Variants in RPS6KC1 observed in about 807,000 individuals in gnomAD.
RPS6KC1 encodes ribosomal protein S6 kinase C1, also known as inactive ribosomal protein S6 kinase delta-1.
RPS6KC1 carries 54 observed loss-of-function variants against 103.8 expected under a neutral mutation model. The observed-to-expected ratio is 0.52, with a 90% CI of 0.42 to 0.65. RPS6KC1 has a LOEUF of 0.65. Ranked by LOEUF, RPS6KC1 falls within the 30% of genes least tolerant of loss-of-function variation. RPS6KC1 has a pLI of 0.00. For missense variants in RPS6KC1, 1,151 were observed against 1,253.8 expected (o/e 0.92, Z 1.24); for synonymous variants, 439 against 438.7 (o/e 1.00, Z -0.01).
chr1:213,404,569 C>T, the RPS6KC1 span, among the ~76,000 whole-genome samples: 1 of 152,170 alleles, frequency 6.6e-6, no homozygotes, highest in African/African-American at 2.4e-5. Context: ...GACACTGTCT[C>T]CTCCTAGGAG....
At chr1:213,680,296 T>A in the RPS6KC1 span, among the ~76,000 whole-genome samples, 413 of 152,214 alleles carry the variant, frequency 2.7e-3, 2 homozygotes, top group Non-Finnish European at 4.6e-3. Flanking sequence ...GCCTGTTACG[T>A]GAAAAACAGC....
intron 6 of RPS6KC1, among the ~76,000 whole-genome samples, chr1:213,163,472 C>T (rs753971518): frequency 3.3e-4 from 50 of 152,182 alleles, no homozygotes; most frequent in Non-Finnish European, 5.3e-4. Context: ...AAATTTCCCA[C>T]GAAACACAGA....
At chr1:213,349,037 A>G in the RPS6KC1 span, among the ~76,000 whole-genome samples, 1 of 152,190 alleles carries the variant, frequency 6.6e-6, no homozygotes. Flanking sequence ...AGGATTGAAG[A>G]TTACTTTGGC....
the RPS6KC1 span, among the ~76,000 whole-genome samples, chr1:213,757,426 C>T: frequency 9.2e-5 from 14 of 152,168 alleles, no homozygotes; most frequent in Non-Finnish European, 1.6e-4. Flanking sequence ...ATCAGACAAG[C>T]CACAACATTC....
chr1:213,180,706 T>G (rs2092213497), intron 8 of RPS6KC1, among the ~76,000 whole-genome samples: 1 of 152,218 alleles, frequency 6.6e-6, no homozygotes, highest in Non-Finnish European at 1.5e-5. Context: ...GCATTACTAT[T>G]ATTTTAATAT....
chr1:213,850,602 T>C, the RPS6KC1 span, among the ~76,000 whole-genome samples: 1 of 152,208 alleles, frequency 6.6e-6, no homozygotes, highest in Non-Finnish European at 1.5e-5. Context: ...AAAGTTACTG[T>C]CTCCAAACCT....
the RPS6KC1 span, among the ~76,000 whole-genome samples, chr1:213,424,035 G>A: frequency 6.6e-6 from 1 of 152,206 alleles, no homozygotes; most frequent in African/African-American, 2.4e-5. Context: ...AGCCCATGAA[G>A]CCTCCCCTTG....
the RPS6KC1 span, among the ~76,000 whole-genome samples, chr1:213,725,788 C>G: frequency 6.6e-6 from 1 of 152,164 alleles, no homozygotes; most frequent in Non-Finnish European, 1.5e-5. Context: ...GTCTGTAGTT[C>G]ATATCCTTTG....
Position 213,196,143 on chromosome 1 carries a change from A to AT in RPS6KC1, c.1044+19660dup, listed in dbSNP as rs568570409. Among the ~76,000 whole-genome samples, 665 of 150,910 alleles carry AT rather than the reference A, an allele frequency of 4.4e-3. 8 individuals carry two copies. The highest frequency in any genetic ancestry group is 0.038 in the South Asian group (181 of 4,760). The stretch of plus-strand genomic sequence containing the variant: ...TTCACCACATCCACACCAAAAAATT[A>AT]TTTTTTTTTGATTTTTTAATTATGG... On this transcript the variant is annotated intron_variant, in intron 8 of 14. Transcript: ENST00000366960.
the RPS6KC1 span, among the ~76,000 whole-genome samples, chr1:213,673,293 A>AAC: frequency 6.6e-6 from 1 of 152,230 alleles, no homozygotes; most frequent in Non-Finnish European, 1.5e-5. Flanking sequence ...GTCTCTGGAT[A>AAC]ACACACAATC....
At chr1:213,244,379 C>T (rs2094419110) in intron 12 of RPS6KC1, among the ~76,000 whole-genome samples, 1 of 151,970 alleles carries the variant, frequency 6.6e-6, no homozygotes, top group South Asian at 2.1e-4. Context: ...CAGTGGGAAC[C>T]ATATAACAAA....
At chr1:213,703,923 T>C in the RPS6KC1 span, among the ~76,000 whole-genome samples, 147 of 152,318 alleles carry the variant, frequency 9.7e-4, no homozygotes, top group African/African-American at 2.9e-3. Context: ...TCTATTCCTG[T>C]CTCATTCTCT....
rs779344985 is a variant in RPS6KC1 at position 213,051,374 on chromosome 1, G to GGGC, written c.-29_-28insCGG. 3.6e-5 allele frequency: 56 copies of GGGC among 1,535,790 alleles called. 2 individuals carry two copies. Among genetic ancestry groups the GGGC allele is most frequent in the East Asian group, 3.4e-4 (15 of 44,086 alleles). ...CCGGGTTTCCCTCATGATCCCGGGC[G>GGGC]GGTGGCGGCGGCGGCAGAGGCGGCG... On this transcript the variant is annotated 5_prime_UTR_variant, in exon 1 of 15. Coordinates refer to ENST00000366960, the MANE Select transcript of RPS6KC1 (RefSeq NM_012424.6).
In RPS6KC1 at chr1:213,242,153, T is replaced by C; in HGVS notation, c.2677T>C (p.Leu893=). The change falls in exon 11 of 15, where the codon TTA becomes CTA. Residue 893 remains leucine (L), a synonymous_variant. Coordinates refer to ENST00000366960, the MANE Select transcript of RPS6KC1 (RefSeq NM_012424.6). ...HQIFEDLDKK[L]ALASRFYIPE... ...GATTTTTGAGGACCTTGATAAAAAA[T>C]TAGCACTAGCCTCCAGGTTTTACAT... is the stretch of plus-strand genomic sequence containing the variant. 1 of 1,613,796 alleles carries C rather than the reference T, an allele frequency of 6.2e-7. No individual in the cohort carries two copies. Among genetic ancestry groups the C allele is most frequent in the African/African-American group, 1.3e-5 (1 of 75,010 alleles).
chr1:213,401,144 G>T, the RPS6KC1 span, among the ~76,000 whole-genome samples: 7 of 152,078 alleles, frequency 4.6e-5, no homozygotes, highest in Admixed American at 4.6e-4. Flanking sequence ...TTCCTTCTTG[G>T]CTATCTTTTT....
At chr1:213,814,040 GA>G in the RPS6KC1 span, among the ~76,000 whole-genome samples, 2 of 152,180 alleles carry the variant, frequency 1.3e-5, no homozygotes, top group South Asian at 4.1e-4. Flanking sequence ...TTAGAACAAA[GA>G]TATCTTGCTC....
At chr1:213,252,288 C>T (rs2149030914) in intron 12 of RPS6KC1, among the ~76,000 whole-genome samples, 1 of 152,278 alleles carries the variant, frequency 6.6e-6, no homozygotes, top group East Asian at 1.9e-4. Context: ...GTTTCTGTGC[C>T]CTAGCTGACA....
At chr1:213,343,900 A>G in the RPS6KC1 span, among the ~76,000 whole-genome samples, 1 of 152,182 alleles carries the variant, frequency 6.6e-6, no homozygotes, top group African/African-American at 2.4e-5. Context: ...CACAACGCTA[A>G]TTGCTAGACG....
intron 8 of RPS6KC1, among the ~76,000 whole-genome samples, chr1:213,202,038 T>A (rs762816790): frequency 2.0e-5 from 3 of 152,126 alleles, no homozygotes; most frequent in Non-Finnish European, 2.9e-5. Flanking sequence ...CTACATAAAT[T>A]ATTTAATGCT....
Sources: gnomAD v4.1 joint callset for allele counts (sites outside exome capture counted in the v4.1 genomes callset) on GRCh38, gnomAD v4.1.1 for gene constraint, MANE v1.5 for transcripts, NCBI Gene and HGNC (gene_info 2026-07-23, HGNC 2026-07-21) for gene names.